WWOX: variants seen among roughly 807,000 people sequenced by gnomAD.
The protein encoded by WWOX is WW domain-containing oxidoreductase.
WWOX carries 69 observed loss-of-function variants against 46.2 expected under a neutral mutation model. The observed-to-expected ratio is 1.49, with a 90% confidence interval of 1.23 to 1.82. The LOEUF (loss-of-function observed/expected upper bound fraction) is 1.82. WWOX is among the 40% of genes most tolerant of loss of function. The probability of loss-of-function intolerance (pLI) is 0.00; values close to 1 mark genes in which losing one functional copy is unlikely to be tolerated. For missense variants in WWOX, 919 were observed against 542.6 expected, an observed-to-expected ratio of 1.69 and a Z score of -6.89; for synonymous variants, 359 against 202.6, an observed-to-expected ratio of 1.77 and a Z score of -6.56.
At chr16:78,244,549 C>T (rs147804672) in intron 5 of WWOX, among the ~76,000 whole-genome samples, 139 of 152,262 alleles carry the variant, frequency 9.1e-4, no homozygotes, top group African/African-American at 3.1e-3. Flanking sequence ...TTTTTAGTCA[C>T]GTTGGCCTGC....
chr16:78,728,224 C>G (rs1416899211), intron 8 of WWOX, among the ~76,000 whole-genome samples: 1 of 151,678 alleles, frequency 6.6e-6, no homozygotes, highest in African/African-American at 2.4e-5. Flanking sequence ...GCCACTACAC[C>G]TAGTTGATTT....
intron 8 of WWOX, among the ~76,000 whole-genome samples, chr16:78,990,201 A>AG (rs1322343067): frequency 3.1e-4 from 47 of 150,152 alleles, no homozygotes; most frequent in South Asian, 8.4e-4. Flanking sequence ...AAAAAAAAAA[A>AG]AGAGAGAGAG....
intron 8 of WWOX, among the ~76,000 whole-genome samples, chr16:78,486,231 G>T (rs530525287): frequency 1.3e-5 from 2 of 152,136 alleles, no homozygotes; most frequent in Non-Finnish European, 2.9e-5. Context: ...TCAAGTTGCA[G>T]CTTGGAACTT....
intron 8 of WWOX, among the ~76,000 whole-genome samples, chr16:79,133,212 A>G (rs763609461): frequency 3.9e-5 from 6 of 152,168 alleles, no homozygotes; most frequent in Non-Finnish European, 7.3e-5. Context: ...CATTTTATTG[A>G]TCTAATGAAA....
intron 8 of WWOX, among the ~76,000 whole-genome samples, chr16:78,839,646 G>T (rs1204061935): frequency 6.6e-6 from 1 of 152,132 alleles, no homozygotes; most frequent in African/African-American, 2.4e-5. Flanking sequence ...GGTTCTCACT[G>T]TTATGGAGGG....
At chr16:78,969,916 G>A (rs1055196041) in intron 8 of WWOX, among the ~76,000 whole-genome samples, 4 of 152,140 alleles carry the variant, frequency 2.6e-5, no homozygotes, top group Non-Finnish European at 4.4e-5. Context: ...TAAAAATGTT[G>A]TAAAGTTGAT....
chr16:78,580,737 G>C (rs1167041330), intron 8 of WWOX, among the ~76,000 whole-genome samples: 1 of 152,172 alleles, frequency 6.6e-6, no homozygotes, highest in Non-Finnish European at 1.5e-5. Context: ...TGAGAAAATG[G>C]CGACAAAGAT....
chr16:78,255,836 A>C (rs2038114557), intron 5 of WWOX, among the ~76,000 whole-genome samples: 1 of 152,180 alleles, frequency 6.6e-6, no homozygotes, highest in Non-Finnish European at 1.5e-5. Context: ...TGAAGAACTT[A>C]AAGTTCAAAG....
chr16:78,672,529 A>G (rs1218833098), intron 8 of WWOX, among the ~76,000 whole-genome samples: 1 of 152,218 alleles, frequency 6.6e-6, no homozygotes, highest in Non-Finnish European at 1.5e-5. Flanking sequence ...CATTAGGCCC[A>G]GAGTCGGCAG....
chr16:79,199,952 A>G (rs1567612678), intron 8 of WWOX, among the ~76,000 whole-genome samples: 2 of 152,110 alleles, frequency 1.3e-5, no homozygotes, highest in South Asian at 2.1e-4. Context: ...TCATGAGTTC[A>G]TCATTTCTGT....
At position 78,238,894 on chromosome 16, in the gene WWOX, C is replaced by A. The variant is rs140253020; in HGVS notation, c.516+74605C>A. ...TTGGCCTCCCAAAGTGCTGGGATTA[C>A]AGTACCTGGCCCAAAATACCTTTCT... On this transcript the variant is annotated intron_variant, in intron 5 of 8. Coordinates refer to ENST00000566780, the MANE Select transcript of WWOX (RefSeq NM_016373.4). 3.2e-3 allele frequency among the ~76,000 whole-genome samples: 480 copies of A among 152,148 alleles called. 5 individuals are homozygous for A. The highest frequency in any genetic ancestry group is 0.011 in the African/African-American group (467 of 41,528).
chr16:78,909,616 C>G (rs1567642005), intron 8 of WWOX, among the ~76,000 whole-genome samples: 1 of 152,198 alleles, frequency 6.6e-6, no homozygotes, highest in African/African-American at 2.4e-5. Context: ...TGATGCTCCT[C>G]TTAGATGAAA....
At chr16:78,422,302 G>A (rs561927723) in intron 6 of WWOX, among the ~76,000 whole-genome samples, 1 of 151,914 alleles carries the variant, frequency 6.6e-6, no homozygotes, top group South Asian at 2.1e-4. Context: ...TTTATTGCAT[G>A]CCAATGTTTG....
At chr16:78,914,754 C>G (rs1235629726) in intron 8 of WWOX, among the ~76,000 whole-genome samples, 3 of 151,948 alleles carry the variant, frequency 2.0e-5, no homozygotes, top group Non-Finnish European at 4.4e-5. Flanking sequence ...TGGCAGGCGC[C>G]TGTAGTCCCA....
chr16:78,838,808 A>G (rs942897838), intron 8 of WWOX, among the ~76,000 whole-genome samples: 4 of 152,166 alleles, frequency 2.6e-5, no homozygotes, highest in African/African-American at 9.7e-5. Flanking sequence ...GTGCCCCTGT[A>G]CTCCAGCCTG....
intron 8 of WWOX, among the ~76,000 whole-genome samples, chr16:78,734,817 A>T (rs2049046613): frequency 8.2e-6 from 1 of 122,616 alleles, no homozygotes; most frequent in Admixed American, 1.0e-4. Context: ...CTTCTGCCTG[A>T]TGACTCAGGT....
intron 8 of WWOX, among the ~76,000 whole-genome samples, chr16:78,466,841 C>T (rs558195516): frequency 6.6e-6 from 1 of 151,826 alleles, no homozygotes; most frequent in East Asian, 1.9e-4. Flanking sequence ...GAGCGAGACT[C>T]CGTCTCAAAA....
rs370550256 is a variant in WWOX at position 78,754,980 on chromosome 16, C to G, written c.1056+322228C>G. Reference sequence around the variant, plus strand: ...AGCCATTTATACTATTAAAAGAATACACAGGAGTTGAACAATGAGAACACG... The same window carrying G: ...AGCCATTTATACTATTAAAAGAATAGACAGGAGTTGAACAATGAGAACACG... On this transcript the variant is annotated intron_variant, in intron 8 of 8. Transcript: ENST00000566780. 6.1e-5 allele frequency among the ~76,000 whole-genome samples: 9 copies of G among 147,500 alleles called. No homozygotes were observed. In the South Asian group the frequency reaches 8.5e-4, roughly 14 times the overall value.
At chr16:78,638,374 T>C (rs987808181) in intron 8 of WWOX, among the ~76,000 whole-genome samples, 1 of 152,108 alleles carries the variant, frequency 6.6e-6, no homozygotes, top group Non-Finnish European at 1.5e-5. Flanking sequence ...TTCCCTGTCC[T>C]TTCCCCCTCT....
Sources: gnomAD v4.1 joint callset for allele counts (sites outside exome capture counted in the v4.1 genomes callset) on GRCh38, gnomAD v4.1.1 for gene constraint, MANE v1.5 for transcripts, NCBI Gene and HGNC (gene_info 2026-07-23, HGNC 2026-07-21) for gene names.